The following FMOD variants were observed in gnomAD, a reference collection of about 807,000 sequenced individuals.
FMOD encodes fibromodulin, also known as KSPG fibromodulin.
A neutral mutation model predicts 27.0 loss-of-function variants in FMOD; 15 were observed. That is an observed-to-expected ratio of 0.55 (90% CI 0.37 to 0.85). The LOEUF (loss-of-function observed/expected upper bound fraction) is 0.85, where lower values mean the gene tolerates loss of function less well. Ranked by LOEUF, FMOD falls within the 40% of genes least tolerant of loss-of-function variation. The pLI is 0.00. For synonymous variants in FMOD, 210 were observed against 214.0 expected (o/e 0.98, Z 0.16); for missense variants, 460 against 483.2 (o/e 0.95, Z 0.45).
Position 203,348,124 on chromosome 1 carries a change from G to T in FMOD, c.147C>A (p.Thr49=), listed in dbSNP as rs759093515. 5 of 1,614,078 alleles carry T rather than the reference G, an allele frequency of 3.1e-6. No individual in the cohort carries two copies. The East Asian group carries it at 1.1e-4, about 36-fold the overall frequency. The change falls in exon 2 of 3, where the codon ACC becomes ACA. Residue 49 remains threonine (T), a synonymous_variant. Coordinates refer to ENST00000354955, the MANE Select transcript of FMOD (RefSeq NM_002023.5). Reference sequence around the variant, plus strand: ...CCACCCCATAGGGGTAAGGCTCGTAGGTCTCATACGGGTAAGGGTCATAGG... The same window carrying T: ...CCACCCCATAGGGGTAAGGCTCGTATGTCTCATACGGGTAAGGGTCATAGG... ...YDPYDPYPYE[T]YEPYPYGVDE...
At chr1:203,342,931 C>T (rs1345725991) in intron 2 of FMOD, among the ~76,000 whole-genome samples, 1 of 152,100 alleles carries the variant, frequency 6.6e-6, no homozygotes, top group Non-Finnish European at 1.5e-5. Context: ...AGAAAGAAGA[C>T]TGGGGAAATG....
At position 203,347,382 on chromosome 1, in the gene FMOD, C is replaced by G. The variant is rs367961930; in HGVS notation, c.889G>C (p.Glu297Gln). 6.2e-7 allele frequency: 1 copy of G among 1,613,972 alleles called. No homozygotes were observed. The highest frequency in any genetic ancestry group is 1.3e-5 in the African/African-American group (1 of 74,886). The change falls in exon 2 of 3, where the codon GAG (glutamate) becomes CAG (glutamine). Residue 297 changes from glutamate to glutamine, a missense_variant. By Grantham distance (29) the Glu-to-Gln change is conservative. Transcript: ENST00000354955. ...AGCTGGTTGTAGGAGAGGTCTAGCTCAAGGAGGCTGCTGGAATTGAAGGTG... is the reference window on the plus strand; with the variant it reads ...AGCTGGTTGTAGGAGAGGTCTAGCTGAAGGAGGCTGCTGGAATTGAAGGTG... ...SNTFNSSSLLELDLSYNQLQK... is the reference protein window; with the variant it reads ...SNTFNSSSLLQLDLSYNQLQK...
In FMOD at chr1:203,347,959, G is replaced by A; in HGVS notation, c.312C>T (p.Pro104=). 1 of 1,606,484 alleles carries A rather than the reference G, an allele frequency of 6.2e-7. No individual in the cohort carries two copies. The highest frequency in any genetic ancestry group is 8.5e-7 in the Non-Finnish European group (1 of 1,174,458). ...GGAAGTACACATACTTCATGCGGGA[G>A]GGAACGAAGGGCAGGTACTTGAGGT... ...NRNLKYLPFV[P]SRMKYVYFQN... The change falls in exon 2 of 3, where the codon CCC becomes CCT. Residue 104 remains proline, a synonymous_variant. Coordinates refer to ENST00000354955, the MANE Select transcript of FMOD (RefSeq NM_002023.5).
chr1:203,349,850 C>T (rs1313040933), intron 1 of FMOD, among the ~76,000 whole-genome samples: 1 of 152,200 alleles, frequency 6.6e-6, no homozygotes, highest in Non-Finnish European at 1.5e-5. Context: ...TCCTAGGTTG[C>T]AGAGGAGCAG....
At position 203,342,077 on chromosome 1, in the gene FMOD, A is replaced by C; in HGVS notation, c.*266T>G. 1 of 436,204 alleles carries C rather than the reference A, an allele frequency of 2.3e-6. No individual in the cohort carries two copies. Among genetic ancestry groups the C allele is most frequent in the Non-Finnish European group, 4.1e-6 (1 of 242,738 alleles). 27.0% of individuals were successfully genotyped at this position (436,204 alleles called of 1,614,324 possible). The stretch of plus-strand genomic sequence containing the variant: ...TTGGGAAGAACTTAAGAGCCGTGAG[A>C]TTTATGGGGTTGGAACATCCAGGGA... On this transcript the variant is annotated 3_prime_UTR_variant, in exon 3 of 3. Coordinates refer to ENST00000354955, the MANE Select transcript of FMOD (RefSeq NM_002023.5).
In FMOD at chr1:203,341,563, A is replaced by G. The variant is rs1658795532; in HGVS notation, c.*780T>C. The G allele has an allele frequency of 1.3e-5, 2 of 152,180 alleles. No individual in the cohort carries two copies. Among genetic ancestry groups the G allele is most frequent in the South Asian group, 4.1e-4 (2 of 4,832 alleles). The allele number at this position is 152,180 out of a possible 1,614,324, so 9.4% of individuals were successfully genotyped here. A position where few individuals can be genotyped will look rare whatever the true frequency, so the allele number is the denominator to read the frequency against. On this transcript the variant is annotated 3_prime_UTR_variant, in exon 3 of 3. Coordinates refer to ENST00000354955, the MANE Select transcript of FMOD (RefSeq NM_002023.5). ...CTTCTGAAGTCTTATCCACCTTCAA[A>G]GAGCTACCCAGCTGCCAAAATATAG... is the stretch of plus-strand genomic sequence containing the variant.
In FMOD at chr1:203,347,945, T is replaced by G; in HGVS notation, c.326A>C (p.Tyr109Ser). The G allele has an allele frequency of 6.2e-7, 1 of 1,609,984 alleles. No homozygotes were observed. Among genetic ancestry groups the G allele is most frequent in the Non-Finnish European group, 8.5e-7 (1 of 1,176,742 alleles). ...YLPFVPSRMKYVYFQNNQITS... is the reference protein window; with the variant it reads ...YLPFVPSRMKSVYFQNNQITS... ...GATCTGGTTGTTCTGGAAGTACACA[T>G]ACTTCATGCGGGAGGGAACGAAGGG... is the stretch of plus-strand genomic sequence containing the variant. The change falls in exon 2 of 3, where the codon TAT becomes TCT. Residue 109 changes from tyrosine (Y) to serine (S), a missense_variant. Transcript: ENST00000354955.
At chr1:203,343,365 C>T (rs967819611) in intron 2 of FMOD, among the ~76,000 whole-genome samples, 1 of 152,206 alleles carries the variant, frequency 6.6e-6, no homozygotes, top group Non-Finnish European at 1.5e-5. Context: ...ACTCTGTCTC[C>T]AGTCTACTGG....
chr1:203,348,157 G>A lies in FMOD; in HGVS notation c.114C>T (p.Tyr38=). 3.7e-6 allele frequency: 6 copies of A among 1,614,208 alleles called. No individual in the cohort carries two copies. The highest frequency in any genetic ancestry group is 5.1e-6 in the Non-Finnish European group (6 of 1,180,028). ...ACGGGTAAGGGTCATAGGGATCGTA[G>A]TAGGTGGACTGCTGGCTGCGGAGGT... ...FHYLRSQQST[Y]YDPYDPYPYE... The change falls in exon 2 of 3, where the codon TAC becomes TAT. Residue 38 remains tyrosine (Y), a synonymous_variant. Transcript: ENST00000354955.
chr1:203,342,633 G>T, intron 2 of FMOD, 139 bp from the exon 3 acceptor site: 1 of 846,348 alleles, frequency 1.2e-6, no homozygotes, highest in Non-Finnish European at 1.8e-6. Flanking sequence ...TTCCAGGATT[G>T]GAGTCATACT....
Position 203,347,347 on chromosome 1 carries a change from G to A in FMOD, c.924C>T (p.Ile308=). 1 of 1,614,162 alleles carries A rather than the reference G, an allele frequency of 6.2e-7. No individual in the cohort carries two copies. Among genetic ancestry groups the A allele is most frequent in the Non-Finnish European group, 8.5e-7 (1 of 1,180,004 alleles). ...LDLSYNQLQK[I]PPVNTNLENL... is the part of the protein sequence containing the mutation. ...TCTCCAGGTTGGTGTTGACTGGGGG[G>A]ATCTTCTGCAGCTGGTTGTAGGAGA... is the stretch of plus-strand genomic sequence containing the variant. The change falls in exon 2 of 3, where the codon ATC becomes ATT. Residue 308 remains isoleucine, a synonymous_variant. Transcript: ENST00000354955.
chr1:203,342,554 A>G, intron 2 of FMOD, 60 bp from the exon 3 acceptor site: 1 of 1,545,156 alleles, frequency 6.5e-7, no homozygotes, highest in Non-Finnish European at 8.9e-7. Flanking sequence ...ACCTGAAGCC[A>G]CAGTGAGATT....
chr1:203,348,343 G>C, intron 1 of FMOD, 66 bp from the exon 2 acceptor site: 1 of 1,519,654 alleles, frequency 6.6e-7, no homozygotes, highest in South Asian at 1.2e-5. Flanking sequence ...CAGTGAGGCA[G>C]AGTAGGCAAG....
intron 2 of FMOD, among the ~76,000 whole-genome samples, chr1:203,345,939 C>T (rs1204528746): frequency 2.6e-5 from 4 of 151,676 alleles, no homozygotes; most frequent in East Asian, 3.9e-4. Flanking sequence ...CCTCAATCCC[C>T]ACCTTGGGAA....
intron 1 of FMOD, among the ~76,000 whole-genome samples, chr1:203,350,626 C>T (rs959840434): frequency 5.3e-5 from 8 of 152,024 alleles, no homozygotes; most frequent in Non-Finnish European, 7.4e-5. Context: ...AAGTTTCCCC[C>T]TCTCCCATAA....
At chr1:203,348,416 C>T in intron 1 of FMOD, 139 bp from the exon 2 acceptor site, 2 of 890,542 alleles carry the variant, frequency 2.2e-6, no homozygotes, top group Non-Finnish European at 3.3e-6. Context: ...AGGAGCCTTG[C>T]TCTCATTTCT....
chr1:203,347,253 TAGAC>T (rs1215655555), intron 2 of FMOD, 35 bp downstream of exon 2: 11 of 1,559,642 alleles, frequency 7.1e-6, no homozygotes, highest in South Asian at 1.2e-5. Context: ...TCAAGTGAAA[TAGAC>T]AGCCAGTCCC....
chr1:203,347,923 C>A lies in FMOD; in HGVS notation c.348G>T (p.Gln116His). Residue 116 changes from glutamine (Q) to histidine (H), a missense_variant, in exon 2 of 3, where the codon CAG (glutamine) becomes CAT (histidine). Physicochemically the swap from Gln to His is conservative, Grantham distance 24 (BLOSUM62 0). Transcript: ENST00000354955. ...RMKYVYFQNN[Q>H]ITSIQEGVFD... ...AGACGCCTTCCTGGATGGAGGTGAT[C>A]TGGTTGTTCTGGAAGTACACATACT... 6.2e-7 allele frequency: 1 copy of A among 1,612,214 alleles called. No homozygotes were observed. Among genetic ancestry groups the A allele is most frequent in the South Asian group, 1.1e-5 (1 of 91,036 alleles).
intron 2 of FMOD, among the ~76,000 whole-genome samples, chr1:203,345,770 C>T (rs917024489): frequency 2.0e-5 from 3 of 151,950 alleles, no homozygotes; most frequent in African/African-American, 7.3e-5. Context: ...TGGTGGCAGG[C>T]GCCTGTAGTC....
Sources: gnomAD v4.1 joint callset for allele counts (sites outside exome capture counted in the v4.1 genomes callset) on GRCh38, gnomAD v4.1.1 for gene constraint, MANE v1.5 for transcripts, NCBI Gene and HGNC (gene_info 2026-07-23, HGNC 2026-07-21) for gene names.